The following ERAP1 variants were observed in gnomAD, a reference collection of about 807,000 sequenced individuals.
ERAP1 encodes endoplasmic reticulum aminopeptidase 1.
Under a neutral mutation model 103.7 loss-of-function variants are expected in ERAP1, and 86 were observed. The ratio of observed to expected loss-of-function variants is 0.83; its 90% CI spans 0.70 to 0.99. ERAP1 has a LOEUF of 0.99. Ranked by LOEUF, ERAP1 falls within the 50% of genes least tolerant of loss-of-function variation. The probability of loss-of-function intolerance (pLI) is 0.00; values close to 1 mark genes in which losing one functional copy is unlikely to be tolerated. For synonymous variants in ERAP1, 398 were observed against 402.4 expected (o/e 0.99, Z 0.13); for missense variants, 1,009 against 1,128.4 (o/e 0.89, Z 1.52).
At chr5:96,839,608 C>T in the ERAP1 span, among the ~76,000 whole-genome samples, 6 of 152,130 alleles carry the variant, frequency 3.9e-5, no homozygotes, top group African/African-American at 7.2e-5. Flanking sequence ...GGATATATAT[C>T]GACACGGTCC....
chr5:96,813,892 G>T, the ERAP1 span: 1 of 178,524 alleles, frequency 5.6e-6, no homozygotes, highest in Non-Finnish European at 1.2e-5. Context: ...TATGGTATTT[G>T]TTTAGGAAGT....
At chr5:96,780,320 C>A in intron 18 of ERAP1, 103 bp downstream of exon 18, 1 of 801,706 alleles carries the variant, frequency 1.2e-6, no homozygotes. Flanking sequence ...AATGACAATC[C>A]ATTTCTAACT....
chr5:96,764,102 C>T (rs887390257), intron 19 of ERAP1, among the ~76,000 whole-genome samples: 5 of 152,092 alleles, frequency 3.3e-5, no homozygotes, highest in African/African-American at 9.7e-5. Context: ...GTGTCTTATA[C>T]AATGTAGATA....
the ERAP1 span, chr5:96,902,771 T>C: frequency 6.3e-6 from 1 of 159,028 alleles, no homozygotes; most frequent in African/African-American, 2.4e-5. Flanking sequence ...ACACTCATCC[T>C]GAGCTTCAAT....
the ERAP1 span, chr5:96,908,827 A>C: frequency 1.1e-6 from 1 of 890,700 alleles, no homozygotes. Flanking sequence ...TGGCAGAGCT[A>C]AGATTTAAAC....
At chr5:96,871,565 T>C in the ERAP1 span, among the ~76,000 whole-genome samples, 1 of 152,340 alleles carries the variant, frequency 6.6e-6, no homozygotes, top group Non-Finnish European at 1.5e-5. Flanking sequence ...CCTGGTTTAT[T>C]TTGCCATCAT....
chr5:96,892,406 G>A, the ERAP1 span: 164 of 1,613,854 alleles, frequency 1.0e-4, 1 homozygote, highest in South Asian at 1.5e-3. Context: ...TTCTGCTTCC[G>A]ATAAACTGTG....
At chr5:96,904,763 T>C in the ERAP1 span, among the ~76,000 whole-genome samples, 1 of 152,236 alleles carries the variant, frequency 6.6e-6, no homozygotes, top group East Asian at 1.9e-4. Context: ...TAGGTAGTTG[T>C]GAAATCTTTT....
the ERAP1 span, chr5:96,917,568 T>C: frequency 4.3e-6 from 7 of 1,613,814 alleles, no homozygotes; most frequent in Non-Finnish European, 5.9e-6. Context: ...GAGAAGAATC[T>C]TCCGACTCTG....
chr5:96,791,012 G>T (rs1776677298), intron 8 of ERAP1, among the ~76,000 whole-genome samples: 1 of 152,218 alleles, frequency 6.6e-6, no homozygotes, highest in Admixed American at 6.5e-5. Flanking sequence ...CCATTCCAGG[G>T]CAGGACTAAG....
chr5:96,934,166 C>T, the ERAP1 span: 1 of 152,340 alleles, frequency 6.6e-6, no homozygotes, highest in East Asian at 1.9e-4. Context: ...CGACTCTGCC[C>T]TCACAAAGCT....
At chr5:96,864,631 A>G in the ERAP1 span, among the ~76,000 whole-genome samples, 1 of 152,202 alleles carries the variant, frequency 6.6e-6, no homozygotes, top group Non-Finnish European at 1.5e-5. Context: ...ATTTAAGCCA[A>G]TTGATTGTAC....
At chr5:96,891,535 T>TATAC in the ERAP1 span, among the ~76,000 whole-genome samples, 215 of 138,984 alleles carry the variant, frequency 1.5e-3, 3 homozygotes, top group South Asian at 0.035. Context: ...ACGGTATATA[T>TATAC]ACACACACAC....
At chr5:96,837,468 G>C in the ERAP1 span, among the ~76,000 whole-genome samples, 1 of 152,250 alleles carries the variant, frequency 6.6e-6, no homozygotes, top group Admixed American at 6.5e-5. Flanking sequence ...GCTTCAGCCA[G>C]GGTGAATTCC....
At chr5:96,852,565 G>A in the ERAP1 span, among the ~76,000 whole-genome samples, 1 of 152,148 alleles carries the variant, frequency 6.6e-6, no homozygotes, top group Non-Finnish European at 1.5e-5. Flanking sequence ...TTAAGGGCAG[G>A]ATATAGTCTC....
the ERAP1 span, among the ~76,000 whole-genome samples, chr5:96,880,680 C>G: frequency 6.7e-6 from 1 of 148,576 alleles, no homozygotes; most frequent in Non-Finnish European, 1.5e-5. Context: ...AGCCATGACT[C>G]ATATCGAATA....
the ERAP1 span, chr5:96,909,510 T>C: frequency 8.0e-7 from 1 of 1,251,760 alleles, no homozygotes; most frequent in Middle Eastern, 1.9e-4. Flanking sequence ...AGTTGAGCCC[T>C]TTAGATGGGC....
At position 96,797,227 on chromosome 5, in the gene ERAP1, AAG is replaced by A; in HGVS notation, c.744_745del (p.Phe249HisfsTer6). 1 of 1,614,242 alleles carries A rather than the reference AAG, an allele frequency of 6.2e-7. No homozygotes were observed. The highest frequency in any genetic ancestry group is 1.1e-5 in the South Asian group (1 of 91,084). On this transcript the variant is annotated frameshift_variant, in exon 4 of 19. Transcript: ENST00000443439. LOFTEE classifies it high-confidence loss of function. ...GACAGACTCAAAATCTGAAATGATG[AAG>A]GCCACCAGATAGGTGCTCATCTTCA...
the ERAP1 span, among the ~76,000 whole-genome samples, chr5:96,864,894 G>A: frequency 2.6e-5 from 4 of 152,012 alleles, no homozygotes; most frequent in Non-Finnish European, 4.4e-5. Context: ...AAAAAGGTGT[G>A]TCTTCAGTAA....
Sources: allele counts gnomAD v4.1 joint callset (sites outside exome capture counted in the v4.1 genomes callset), GRCh38; gene constraint gnomAD v4.1.1; transcripts MANE v1.5; gene names NCBI Gene and HGNC (gene_info 2026-07-23, HGNC 2026-07-21).